The following LINGO2 variants were observed in gnomAD, a reference collection of about 807,000 sequenced individuals.
LINGO2 encodes the protein leucine rich repeat and Ig domain containing 2.
A neutral mutation model predicts 30.6 loss-of-function variants in LINGO2; 14 were observed. That is an observed-to-expected ratio of 0.46 (90% confidence interval 0.30 to 0.72). LINGO2 has a LOEUF of 0.72. Among genes scored for constraint, LINGO2 ranks in the 30% least tolerant of loss-of-function variants. The pLI is 0.07. For synonymous variants in LINGO2, 317 were observed against 288.5 expected, an observed-to-expected ratio of 1.10 and a Z score of -1.00; for missense variants, 729 against 751.7, an observed-to-expected ratio of 0.97 and a Z score of 0.35.
rs186776047 is a variant in LINGO2 at position 28,020,346 on chromosome 9, C to T, written c.-86-7941G>A. Reference sequence around the variant, plus strand: ...GAGTTTGTGACCAGCCTAACCAATACGGTGAAACCTCGACTCTACTAACAA... The same window carrying T: ...GAGTTTGTGACCAGCCTAACCAATATGGTGAAACCTCGACTCTACTAACAA... On this transcript the variant is annotated intron_variant, in intron 4 of 5. Transcript: ENST00000379992. Among the ~76,000 whole-genome samples the T allele has an allele frequency of 5.9e-5, 9 of 152,128 alleles. No homozygotes were observed. In the East Asian group the frequency reaches 1.2e-3, roughly 20 times the overall value.
the LINGO2 span, among the ~76,000 whole-genome samples, chr9:29,158,396 C>T: frequency 6.6e-6 from 1 of 151,002 alleles, no homozygotes; most frequent in African/African-American, 2.5e-5. Flanking sequence ...TCCTTTATTC[C>T]TTCTATAACT....
chr9:28,183,511 T>A (rs961588970), intron 4 of LINGO2, among the ~76,000 whole-genome samples: 4 of 152,110 alleles, frequency 2.6e-5, no homozygotes, highest in Non-Finnish European at 5.9e-5. Context: ...CCTTTTTTTG[T>A]AAATAAAGTT....
At chr9:28,319,332 T>A (rs749908049) in intron 3 of LINGO2, among the ~76,000 whole-genome samples, 1 of 152,214 alleles carries the variant, frequency 6.6e-6, no homozygotes, top group Non-Finnish European at 1.5e-5. Flanking sequence ...CCTTCTTTCA[T>A]CTATCTTTTT....
downstream of LINGO2, among the ~76,000 whole-genome samples, chr9:27,947,076 T>C (rs1734674544): frequency 6.6e-6 from 1 of 152,174 alleles, no homozygotes. Flanking sequence ...TACATGTTAT[T>C]AAAAACATGA....
chr9:28,902,516 T>G, the LINGO2 span, among the ~76,000 whole-genome samples: 1 of 152,180 alleles, frequency 6.6e-6, no homozygotes, highest in East Asian at 1.9e-4. Context: ...AGGCTTAATC[T>G]GCACTTTAGG....
At chr9:27,967,626 AG>A (rs1324272898) in intron 5 of LINGO2, among the ~76,000 whole-genome samples, 1 of 152,166 alleles carries the variant, frequency 6.6e-6, no homozygotes, top group East Asian at 1.9e-4. Context: ...GAGAAGACAC[AG>A]GCATCTGGAA....
chr9:28,216,568 C>T (rs1820775368), intron 4 of LINGO2, among the ~76,000 whole-genome samples: 6 of 151,896 alleles, frequency 4.0e-5, no homozygotes, highest in Admixed American at 3.9e-4. Context: ...GATAAACTCC[C>T]ACTGACCATA....
In LINGO2 at chr9:28,129,528, G is replaced by A. The variant is rs1053402428; in HGVS notation, c.-86-117123C>T. 6.6e-5 allele frequency: 10 copies of A among 152,156 alleles called. No individual in the cohort carries two copies. The highest frequency in any genetic ancestry group is 2.4e-4 in the African/African-American group (10 of 41,412). The allele number at this position is 152,156 out of a possible 1,614,324, so 9.4% of individuals were successfully genotyped here. On this transcript the variant is annotated intron_variant, in intron 4 of 5. Transcript: ENST00000379992. The surrounding 1 kb of genome is among the most constrained non-coding windows in gnomAD (Gnocchi z 4.0). ...TCGTACCTCTTCAGTCCTCAGACTGGGTCCTGCCCATGTGAATGGATCTAG... is the reference window on the plus strand; with the variant it reads ...TCGTACCTCTTCAGTCCTCAGACTGAGTCCTGCCCATGTGAATGGATCTAG...
At chr9:28,287,826 C>T (rs1257276226) in intron 4 of LINGO2, among the ~76,000 whole-genome samples, 3 of 151,916 alleles carry the variant, frequency 2.0e-5, no homozygotes. Context: ...ATGTGCACTG[C>T]TGTGACAAAA....
chr9:28,712,396 G>C, the LINGO2 span, among the ~76,000 whole-genome samples: 13 of 151,550 alleles, frequency 8.6e-5, no homozygotes, highest in Non-Finnish European at 1.6e-4. Context: ...AAAGAACATA[G>C]TTTTACAAAG....
chr9:28,392,763 G>T (rs2134696641), intron 2 of LINGO2, among the ~76,000 whole-genome samples: 1 of 152,262 alleles, frequency 6.6e-6, no homozygotes, highest in East Asian at 1.9e-4. Context: ...AATAAACTCA[G>T]GTGTACTCTT....
the LINGO2 span, among the ~76,000 whole-genome samples, chr9:28,781,299 G>A: frequency 6.6e-6 from 1 of 152,056 alleles, no homozygotes; most frequent in African/African-American, 2.4e-5. Flanking sequence ...GACTTTAGAA[G>A]AAATTTCTAG....
At chr9:28,494,112 T>A (rs1206721186) in intron 1 of LINGO2, among the ~76,000 whole-genome samples, 1 of 152,182 alleles carries the variant, frequency 6.6e-6, no homozygotes, top group Non-Finnish European at 1.5e-5. Context: ...AGATTGAGAA[T>A]AAATATTAAC....
chr9:28,724,617 T>C, the LINGO2 span, among the ~76,000 whole-genome samples: 1 of 152,082 alleles, frequency 6.6e-6, no homozygotes, highest in Non-Finnish European at 1.5e-5. Flanking sequence ...ATGAAAGAGA[T>C]AGGAGCTAGT....
intron 4 of LINGO2, among the ~76,000 whole-genome samples, chr9:28,127,635 A>G (rs1827275601): frequency 1.3e-5 from 2 of 152,216 alleles, no homozygotes; most frequent in Non-Finnish European, 2.9e-5. Context: ...AACAAGTGGC[A>G]AAATGTCCTC....
chr9:29,175,470 C>T, the LINGO2 span, among the ~76,000 whole-genome samples: 1 of 151,784 alleles, frequency 6.6e-6, no homozygotes, highest in Admixed American at 6.6e-5. Context: ...TGGCATCTCA[C>T]AGAGTGCTCA....
the LINGO2 span, among the ~76,000 whole-genome samples, chr9:28,693,027 T>A: frequency 6.6e-6 from 1 of 151,982 alleles, no homozygotes; most frequent in Admixed American, 6.6e-5. Flanking sequence ...ATGAAAAAAA[T>A]TGTCATTTTT....
intron 4 of LINGO2, among the ~76,000 whole-genome samples, chr9:28,133,816 T>C (rs1247211014): frequency 1.3e-5 from 2 of 152,204 alleles, no homozygotes; most frequent in Admixed American, 1.3e-4. Context: ...TTCATTAAAC[T>C]CTCTCCAAAT....
chr9:28,049,030 G>GT (rs1341078754), intron 4 of LINGO2, among the ~76,000 whole-genome samples: 8 of 150,996 alleles, frequency 5.3e-5, no homozygotes, highest in African/African-American at 2.0e-4. Context: ...ATTCTTTGAA[G>GT]TTTTCTTTCC....
Sources: gnomAD v4.1 joint callset for allele counts (sites outside exome capture counted in the v4.1 genomes callset) on GRCh38, gnomAD v4.1.1 for gene constraint, Gnocchi (gnomAD v3.1) non-coding constraint, MANE v1.5 for transcripts, NCBI Gene and HGNC (gene_info 2026-07-23, HGNC 2026-07-21) for gene names.